DOCK1: variants seen among roughly 807,000 people sequenced by gnomAD.
DOCK1 encodes the protein dedicator of cytokinesis 1.
DOCK1 carries 138 observed loss-of-function variants against 262.7 expected under a neutral mutation model. That is an observed-to-expected ratio of 0.53 (90% CI 0.46 to 0.61). The LOEUF (loss-of-function observed/expected upper bound fraction) is 0.61, where lower values mean the gene tolerates loss of function less well. DOCK1 is among the 20% of genes least tolerant of loss of function. DOCK1 has a pLI of 0.00. For missense variants in DOCK1, 1,908 were observed against 2,370.7 expected, an observed-to-expected ratio of 0.80 and a Z score of 4.05; for synonymous variants, 866 against 867.4, an observed-to-expected ratio of 1.00 and a Z score of 0.03.
At chr10:127,305,402 C>T (rs568362517) in intron 29 of DOCK1, among the ~76,000 whole-genome samples, 2 of 152,278 alleles carry the variant, frequency 1.3e-5, no homozygotes, top group South Asian at 2.1e-4. Context: ...TGCAAATCCT[C>T]GCTTATCTGA....
chr10:127,077,764 G>C (rs1415448239), intron 23 of DOCK1, among the ~76,000 whole-genome samples: 1 of 152,148 alleles, frequency 6.6e-6, no homozygotes, highest in Non-Finnish European at 1.5e-5. Flanking sequence ...CCAGACGAGA[G>C]ATTGCAGGCA....
At chr10:127,133,253 A>T (rs925373237) in intron 27 of DOCK1, among the ~76,000 whole-genome samples, 42 of 152,214 alleles carry the variant, frequency 2.8e-4, no homozygotes, top group African/African-American at 1.0e-3. Context: ...CCTTTTACCC[A>T]AGACTCATAA....
At position 127,012,663 on chromosome 10, in the gene DOCK1, C is replaced by A. The variant is rs999067570; in HGVS notation, c.1201+289C>A. ...GGCGGTAGGCGTAACTCCCTCTGCC[C>A]GTGTTGTGTGCTAATCTTTGCCTGT... On this transcript the variant is annotated intron_variant, in intron 12 of 51. Coordinates refer to ENST00000623213, the MANE Select transcript of DOCK1 (RefSeq NM_001290223.2). This position sits in a 1 kb window ranked among gnomAD's most constrained non-coding sequence, Gnocchi z 4.0. Among the ~76,000 whole-genome samples the A allele has an allele frequency of 6.6e-6, 1 of 152,170 alleles. No homozygotes were observed. Among genetic ancestry groups the A allele is most frequent in the East Asian group, 1.9e-4 (1 of 5,184 alleles).
At chr10:127,287,338 C>T (rs984489000) in intron 29 of DOCK1, among the ~76,000 whole-genome samples, 4 of 151,834 alleles carry the variant, frequency 2.6e-5, no homozygotes, top group Non-Finnish European at 5.9e-5. Context: ...TATAGGTGTG[C>T]ACCACCATGC....
chr10:127,108,069 T>C (rs1174474244), intron 24 of DOCK1, among the ~76,000 whole-genome samples: 2 of 152,230 alleles, frequency 1.3e-5, no homozygotes, highest in African/African-American at 4.8e-5. Flanking sequence ...CTGGCCTCTC[T>C]CAGATTTGTG....
intron 27 of DOCK1, among the ~76,000 whole-genome samples, chr10:127,243,375 G>A (rs1188693770): frequency 6.6e-6 from 1 of 152,036 alleles, no homozygotes; most frequent in African/African-American, 2.4e-5. Context: ...CAACTTGCCT[G>A]TCACTGAATG....
At position 126,977,995 on chromosome 10, in the gene DOCK1, CCTT is replaced by C. The variant is rs769621809; in HGVS notation, c.171+14_171+16del. 30 of 1,613,416 alleles carry C rather than the reference CCTT, an allele frequency of 1.9e-5. No homozygotes were observed. Among genetic ancestry groups the C allele is most frequent in the Middle Eastern group, 3.3e-4 (2 of 6,082 alleles). The stretch of plus-strand genomic sequence containing the variant: ...ACGAAAAAAGTCTAAGAAGGTAAGT[CCTT>C]CTTCTTAAACACAGTGCATGTCTCT... On this transcript the variant is annotated splice_region_variant and intron_variant, in intron 3 of 51. Transcript: ENST00000623213.
At chr10:127,288,272 G>A (rs2061229351) in intron 29 of DOCK1, among the ~76,000 whole-genome samples, 1 of 152,072 alleles carries the variant, frequency 6.6e-6, no homozygotes, top group African/African-American at 2.4e-5. Context: ...TTTGATAATG[G>A]CTTTCTTTTT....
chr10:127,390,225 A>G (rs2066395269), intron 38 of DOCK1, among the ~76,000 whole-genome samples: 1 of 152,154 alleles, frequency 6.6e-6, no homozygotes, highest in Non-Finnish European at 1.5e-5. Flanking sequence ...CCCTCTGAGC[A>G]GCTGAGCACC....
chr10:127,393,094 C>T (rs536394526), intron 38 of DOCK1, among the ~76,000 whole-genome samples: 9 of 152,298 alleles, frequency 5.9e-5, no homozygotes, highest in East Asian at 1.9e-4. Flanking sequence ...ACGTCCTGAG[C>T]GTGTGCCCAC....
At chr10:127,255,565 G>T (rs1464543736) in intron 28 of DOCK1, among the ~76,000 whole-genome samples, 1 of 152,146 alleles carries the variant, frequency 6.6e-6, no homozygotes. Flanking sequence ...CACCGCCATG[G>T]CTAGTGAATT....
chr10:127,164,609 T>C (rs1294852265), intron 27 of DOCK1, among the ~76,000 whole-genome samples: 1 of 152,226 alleles, frequency 6.6e-6, no homozygotes, highest in African/African-American at 2.4e-5. Flanking sequence ...GACATTATTA[T>C]TGTCAGAAAT....
chr10:127,418,920 G>A (rs1347419555), intron 45 of DOCK1, among the ~76,000 whole-genome samples: 1 of 152,234 alleles, frequency 6.6e-6, no homozygotes, highest in Non-Finnish European at 1.5e-5. Flanking sequence ...GGTGGAGGGG[G>A]CCCGGCCAGC....
chr10:127,235,157 A>G (rs1055611444), intron 27 of DOCK1, among the ~76,000 whole-genome samples: 15 of 151,276 alleles, frequency 9.9e-5, no homozygotes, highest in Admixed American at 7.3e-4. Flanking sequence ...AAATACGTAT[A>G]TTTTATACAT....
chr10:127,399,125 T>A (rs2067080771), intron 38 of DOCK1, among the ~76,000 whole-genome samples: 1 of 152,170 alleles, frequency 6.6e-6, no homozygotes, highest in Non-Finnish European at 1.5e-5. Flanking sequence ...TGCTCCGTGC[T>A]GCAAGTCAAC....
intron 1 of DOCK1, among the ~76,000 whole-genome samples, chr10:126,942,703 C>CA (rs1393254808): frequency 6.6e-6 from 1 of 152,054 alleles, no homozygotes; most frequent in Non-Finnish European, 1.5e-5. Flanking sequence ...TAAATACACT[C>CA]AATGTTACAC....
chr10:127,153,466 T>C (rs1050971946), intron 27 of DOCK1, among the ~76,000 whole-genome samples: 2 of 152,178 alleles, frequency 1.3e-5, no homozygotes, highest in African/African-American at 4.8e-5. Context: ...CCCAGGTCTT[T>C]CCATGGTATT....
chr10:127,260,735 GGGTGTGCA>G (rs2060004836), intron 29 of DOCK1, among the ~76,000 whole-genome samples: 1 of 148,718 alleles, frequency 6.7e-6, no homozygotes, highest in African/African-American at 2.6e-5. Flanking sequence ...GTGTGCGTGT[GGGTGTGCA>G]TGTGTGTACC....
chr10:126,970,687 C>T lies in DOCK1; in HGVS notation c.47-15C>T, dbSNP rs563391855. 6 of 1,600,308 alleles carry T rather than the reference C, an allele frequency of 3.7e-6. No individual in the cohort carries two copies. The Admixed American group carries it at 6.7e-5, about 18-fold the overall frequency. ...CTTTACTATTACTAATATATTTCCCCTTTTTTCATCACAGCTTTTTATAAC... is the reference window on the plus strand; with the variant it reads ...CTTTACTATTACTAATATATTTCCCTTTTTTTCATCACAGCTTTTTATAAC... On this transcript the variant is annotated splice_polypyrimidine_tract_variant and intron_variant, in intron 1 of 51. Coordinates refer to ENST00000623213, the MANE Select transcript of DOCK1 (RefSeq NM_001290223.2).
Sources: gnomAD v4.1 joint callset for allele counts (sites outside exome capture counted in the v4.1 genomes callset) on GRCh38, gnomAD v4.1.1 for gene constraint, Gnocchi (gnomAD v3.1) non-coding constraint, MANE v1.5 for transcripts, NCBI Gene and HGNC (gene_info 2026-07-23, HGNC 2026-07-21) for gene names.